Variants in UBR7 observed in about 807,000 individuals in gnomAD.
UBR7 encodes ubiquitin protein ligase E3 component n-recognin 7, also known as putative E3 ubiquitin-protein ligase UBR7.
A neutral mutation model predicts 57.0 loss-of-function variants in UBR7; 22 were observed. That is an observed-to-expected ratio of 0.39 (90% CI 0.28 to 0.55). UBR7 has a LOEUF of 0.55. Ranked by LOEUF, UBR7 falls within the 20% of genes least tolerant of loss-of-function variation. The pLI is 0.69. For missense variants in UBR7, 395 were observed against 513.2 expected, an observed-to-expected ratio of 0.77 and a Z score of 2.23; for synonymous variants, 167 against 179.8, an observed-to-expected ratio of 0.93 and a Z score of 0.57.
chr14:93,228,173 C>G lies in UBR7; in HGVS notation c.*1138C>G, dbSNP rs1894903890. The G allele has an allele frequency of 1.8e-6, 1 of 569,134 alleles. No homozygotes were observed. Among genetic ancestry groups the G allele is most frequent in the Non-Finnish European group, 3.3e-6 (1 of 302,042 alleles). 35.3% of individuals were successfully genotyped at this position (569,134 alleles called of 1,614,324 possible). The stretch of plus-strand genomic sequence containing the variant: ...AATGTTAATGTCCACCGCCACTTCC[C>G]TAACGACTATGAGATCTTTTTTTTG... On this transcript the variant is annotated 3_prime_UTR_variant, in exon 11 of 11. Transcript: ENST00000013070.
rs1312389573 is a variant in UBR7 at position 93,227,017 on chromosome 14, G to A, written c.1260G>A (p.Met420Ile). 5 of 1,611,690 alleles carry A rather than the reference G, an allele frequency of 3.1e-6. No homozygotes were observed. The highest frequency in any genetic ancestry group is 3.4e-6 in the Non-Finnish European group (4 of 1,178,434). Residue 420 changes from methionine (M) to isoleucine (I), a missense_variant, in exon 11 of 11, where the codon ATG becomes ATA. Physicochemically the swap from Met to Ile is conservative, Grantham distance 10. Transcript: ENST00000013070. ...AAAAGAGAAGAAGAGTGGATGGGAT[G>A]CAGTATTACTGCAGCTAGAGTGGAG... ...QSKKRRRVDG[M>I]QYYCS
intron 9 of UBR7, among the ~76,000 whole-genome samples, chr14:93,221,011 T>C (rs549313287): frequency 1.3e-4 from 20 of 152,254 alleles, no homozygotes; most frequent in African/African-American, 4.8e-4. Context: ...AATGGTGCAT[T>C]CTCAGCTCAC....
In UBR7 at chr14:93,209,871, A is replaced by T. The variant is rs1399347831; in HGVS notation, c.198A>T (p.Pro66=). ...TATATGCCTGTAGTACCTGCACCCC[A>T]GAGGGAGAAGAACCAGCAGGAATTT... ...QALYACSTCT[P]EGEEPAGICL... is the part of the protein sequence containing the mutation. Residue 66 remains proline, a synonymous_variant, in exon 2 of 11, where the codon CCA becomes CCT. Transcript: ENST00000013070. The T allele has an allele frequency of 2.5e-6, 4 of 1,614,102 alleles. No individual in the cohort carries two copies. The highest frequency in any genetic ancestry group is 3.4e-6 in the Non-Finnish European group (4 of 1,179,980).
intron 6 of UBR7, 113 bp from the exon 7 acceptor site, chr14:93,218,411 TAAA>T (rs11441325): frequency 2.0e-5 from 16 of 811,988 alleles, no homozygotes; most frequent in Non-Finnish European, 2.3e-5. Context: ...ACTCTGTCTG[TAAA>T]AAAAAAAAAT....
rs201849969 is a variant in UBR7 at position 93,220,240 on chromosome 14, T to C, written c.961-9T>C. ...CCTCTTTCTTTTTTTTTTTTTTTTT[T>C]CCCTAAAGAAAATGTATGGAGATCT... On this transcript the variant is annotated splice_polypyrimidine_tract_variant and intron_variant, in intron 8 of 10. Transcript: ENST00000013070. 3.3e-4 allele frequency: 525 copies of C among 1,583,694 alleles called. No individual in the cohort carries two copies. The highest frequency in any genetic ancestry group is 8.4e-4 in the South Asian group (74 of 88,120).
At chr14:93,218,435 G>T (rs58061207) in intron 6 of UBR7, 92 bp from the exon 7 acceptor site, 3 of 1,074,530 alleles carry the variant, frequency 2.8e-6, no homozygotes, top group South Asian at 1.3e-5. Context: ...AATAATAATA[G>T]AATAAGTGAT....
intron 6 of UBR7, 140 bp downstream of exon 6, chr14:93,215,421 C>T (rs2140101212): frequency 3.7e-6 from 3 of 819,704 alleles, no homozygotes; most frequent in Middle Eastern, 2.4e-4. Context: ...CATGGTGGCT[C>T]ACGCCTGTAA....
chr14:93,208,476 A>G lies in UBR7; in HGVS notation c.150+1035A>G, dbSNP rs77456738. On this transcript the variant is annotated intron_variant, in intron 1 of 10. Coordinates refer to ENST00000013070, the MANE Select transcript of UBR7 (RefSeq NM_175748.4). ...TCCCCTGCTTTACTTAAAAAAAAAA[A>G]AAAGAAAAAAGTTATGTCTATATGT... is the stretch of plus-strand genomic sequence containing the variant. Among the ~76,000 whole-genome samples the G allele has an allele frequency of 9.6e-3, 1,455 of 152,146 alleles. 26 individuals carry two copies. Among genetic ancestry groups the G allele is most frequent in the African/African-American group, 0.033 (1,386 of 41,486 alleles).
chr14:93,216,401 A>T (rs930127302), intron 6 of UBR7, among the ~76,000 whole-genome samples: 1 of 152,046 alleles, frequency 6.6e-6, no homozygotes, highest in Non-Finnish European at 1.5e-5. Flanking sequence ...TAATTAATGA[A>T]TGGTCCTGAG....
intron 10 of UBR7, chr14:93,223,733 C>T: frequency 1.3e-6 from 1 of 791,246 alleles, no homozygotes. Context: ...CACTTGCTGG[C>T]TGCGATCTCC....
At chr14:93,212,927 T>C (rs1326848604) in intron 4 of UBR7, among the ~76,000 whole-genome samples, 3 of 152,184 alleles carry the variant, frequency 2.0e-5, no homozygotes, top group Admixed American at 6.6e-5. Context: ...TCCAAGTATT[T>C]ATGTAGAATG....
At chr14:93,217,302 C>G (rs1894610509) in intron 6 of UBR7, among the ~76,000 whole-genome samples, 1 of 152,216 alleles carries the variant, frequency 6.6e-6, no homozygotes, top group Non-Finnish European at 1.5e-5. Context: ...GCTGTGATTA[C>G]AGGTGTGAGC....
At chr14:93,223,458 G>T in intron 10 of UBR7, 1 of 534,450 alleles carries the variant, frequency 1.9e-6, no homozygotes, top group Non-Finnish European at 3.3e-6. Context: ...AGCTACTTGG[G>T]AGGCTGGCTT....
At chr14:93,215,781 TA>T (rs1894579848) in intron 6 of UBR7, among the ~76,000 whole-genome samples, 2 of 152,210 alleles carry the variant, frequency 1.3e-5, no homozygotes, top group South Asian at 4.1e-4. Context: ...AATTTATACT[TA>T]AATGATATGA....
At chr14:93,221,002 A>G (rs765272868) in intron 9 of UBR7, among the ~76,000 whole-genome samples, 52 of 151,594 alleles carry the variant, frequency 3.4e-4, no homozygotes, top group Non-Finnish European at 5.7e-4. Flanking sequence ...CTGGAGTGCA[A>G]TGGTGCATTC....
chr14:93,225,395 G>T (rs918401390), intron 10 of UBR7, among the ~76,000 whole-genome samples: 1 of 151,420 alleles, frequency 6.6e-6, no homozygotes, highest in East Asian at 1.9e-4. Context: ...GGGAGGCTAA[G>T]GTGGGAGGAT....
intron 2 of UBR7, 40 bp downstream of exon 2, chr14:93,209,997 G>A (rs760982436): frequency 4.4e-6 from 7 of 1,607,862 alleles, no homozygotes; most frequent in Non-Finnish European, 6.0e-6. Context: ...TGCTTTTGAA[G>A]TATAGATTCT....
In UBR7 at chr14:93,228,276, C is replaced by T. The variant is rs1376570516; in HGVS notation, c.*1241C>T. ...CAGTTGATATGAGATCTCTTTAACA[C>T]CCCTCAGTCTATGTAGGAAATGCCT... On this transcript the variant is annotated 3_prime_UTR_variant, in exon 11 of 11. Transcript: ENST00000013070. The T allele has an allele frequency of 2.2e-6, 1 of 461,426 alleles. No individual in the cohort carries two copies. 28.6% of individuals were successfully genotyped at this position (461,426 alleles called of 1,614,324 possible). A position where few individuals can be genotyped will look rare whatever the true frequency, so the allele number is the denominator to read the frequency against.
intron 10 of UBR7, among the ~76,000 whole-genome samples, chr14:93,223,394 CAAAAAA>C (rs34453404): frequency 8.5e-5 from 8 of 94,354 alleles, no homozygotes; most frequent in Non-Finnish European, 1.4e-4. Flanking sequence ...GACTCCATCT[CAAAAAA>C]AAAAAAAAAA....
Sources: gnomAD v4.1 joint callset for allele counts (sites outside exome capture counted in the v4.1 genomes callset) on GRCh38, gnomAD v4.1.1 for gene constraint, MANE v1.5 for transcripts, NCBI Gene and HGNC (gene_info 2026-07-23, HGNC 2026-07-21) for gene names.